NEGR1: variants seen among roughly 807,000 people sequenced by gnomAD.
NEGR1 encodes the protein IgLON family member 4.
A neutral mutation model predicts 40.9 loss-of-function variants in NEGR1; 10 were observed. That is an observed-to-expected ratio of 0.24 (90% CI 0.15 to 0.42). The LOEUF (loss-of-function observed/expected upper bound fraction) is 0.42, where lower values mean the gene tolerates loss of function less well. Among genes scored for constraint, NEGR1 ranks in the 10% least tolerant of loss-of-function variants. NEGR1 has a pLI of 1.00. For missense variants in NEGR1, 352 were observed against 438.9 expected (o/e 0.80, Z 1.77); for synonymous variants, 185 against 166.8 (o/e 1.11, Z -0.84).
intron 4 of NEGR1, among the ~76,000 whole-genome samples, chr1:71,669,751 A>G (rs1175716306): frequency 6.6e-6 from 1 of 152,104 alleles, no homozygotes; most frequent in Non-Finnish European, 1.5e-5. Context: ...CCCTGGTTCA[A>G]GCAATTCTCC....
intron 3 of NEGR1, among the ~76,000 whole-genome samples, chr1:71,764,046 G>C (rs1656039189): frequency 6.6e-6 from 1 of 152,102 alleles, no homozygotes; most frequent in Non-Finnish European, 1.5e-5. Context: ...GAGACCAAAA[G>C]CAAATAAAGT....
At chr1:71,933,058 A>G (rs1438142709) in intron 2 of NEGR1, among the ~76,000 whole-genome samples, 1 of 152,096 alleles carries the variant, frequency 6.6e-6, no homozygotes, top group East Asian at 1.9e-4. Flanking sequence ...CCAATCTTAT[A>G]CTTTCAAAAC....
intron 1 of NEGR1, among the ~76,000 whole-genome samples, chr1:72,112,439 A>C (rs1649410605): frequency 6.6e-6 from 1 of 151,558 alleles, no homozygotes; most frequent in African/African-American, 2.4e-5. Flanking sequence ...TTATTTTATA[A>C]TATCCTACTT....
At chr1:72,006,065 A>G (rs886642127) in intron 1 of NEGR1, among the ~76,000 whole-genome samples, 2 of 152,196 alleles carry the variant, frequency 1.3e-5, no homozygotes, top group African/African-American at 4.8e-5. Flanking sequence ...TCTGTCATTT[A>G]ATCATGGCAT....
intron 1 of NEGR1, among the ~76,000 whole-genome samples, chr1:72,179,092 G>A (rs1219922409): frequency 6.6e-6 from 1 of 151,936 alleles, no homozygotes; most frequent in Non-Finnish European, 1.5e-5. Context: ...CTGATGTCCA[G>A]AATGGTATTT....
intron 6 of NEGR1, among the ~76,000 whole-genome samples, chr1:71,446,440 A>C (rs1366404769): frequency 6.6e-6 from 1 of 152,210 alleles, no homozygotes; most frequent in Admixed American, 6.5e-5. Flanking sequence ...TATTTTGAGT[A>C]GGTAAGATGA....
chr1:71,845,693 C>A (rs1301110528), intron 2 of NEGR1, among the ~76,000 whole-genome samples: 3 of 151,894 alleles, frequency 2.0e-5, no homozygotes, highest in Non-Finnish European at 4.4e-5. Flanking sequence ...CCAATTCACA[C>A]AGCAAAAAGG....
intron 2 of NEGR1, among the ~76,000 whole-genome samples, chr1:71,833,257 C>G (rs1484450873): frequency 6.6e-6 from 1 of 151,810 alleles, no homozygotes; most frequent in East Asian, 1.9e-4. Flanking sequence ...GTACTTTTTG[C>G]ACCTGGCAGT....
intron 6 of NEGR1, among the ~76,000 whole-genome samples, chr1:71,504,421 A>C (rs534490270): frequency 6.6e-6 from 1 of 152,176 alleles, no homozygotes; most frequent in African/African-American, 2.4e-5. Context: ...GACAGATTTC[A>C]ACACAGAGAA....
intron 6 of NEGR1, among the ~76,000 whole-genome samples, chr1:71,541,099 G>T (rs1647690520): frequency 6.6e-6 from 1 of 151,632 alleles, no homozygotes; most frequent in South Asian, 2.1e-4. Flanking sequence ...TTCAACATGA[G>T]ATTTAAGCGG....
At chr1:72,045,634 C>T (rs543657632) in intron 1 of NEGR1, among the ~76,000 whole-genome samples, 2 of 151,888 alleles carry the variant, frequency 1.3e-5, no homozygotes, top group South Asian at 4.1e-4. Context: ...TGTGAGACCT[C>T]CTCAGCCATG....
chr1:71,955,610 C>G (rs1158560792), intron 1 of NEGR1, among the ~76,000 whole-genome samples: 1 of 152,162 alleles, frequency 6.6e-6, no homozygotes, highest in African/African-American at 2.4e-5. Context: ...CCATATAGAT[C>G]AGTTTCTGTC....
At chr1:72,008,927 A>T (rs1646632663) in intron 1 of NEGR1, among the ~76,000 whole-genome samples, 5 of 151,868 alleles carry the variant, frequency 3.3e-5, no homozygotes. Context: ...AAAAGCTTCC[A>T]TTAAAATCTG....
chr1:71,805,480 G>A (rs987337392), intron 2 of NEGR1, among the ~76,000 whole-genome samples: 9 of 152,000 alleles, frequency 5.9e-5, no homozygotes, highest in Non-Finnish European at 1.0e-4. Context: ...CAGACCAGCC[G>A]ACACTTAGGG....
intron 2 of NEGR1, among the ~76,000 whole-genome samples, chr1:71,827,857 C>A (rs1020134804): frequency 2.0e-5 from 3 of 150,992 alleles, no homozygotes; most frequent in Admixed American, 1.3e-4. Flanking sequence ...ATAAAAAATA[C>A]AAATCCTATG....
chr1:72,266,876 C>T (rs1218334199), intron 1 of NEGR1, among the ~76,000 whole-genome samples: 4 of 150,488 alleles, frequency 2.7e-5, no homozygotes, highest in African/African-American at 9.7e-5. Context: ...AGGAAAATGT[C>T]CCACACAAGA....
At chr1:71,427,013 G>C (rs1229564551) in intron 6 of NEGR1, among the ~76,000 whole-genome samples, 1 of 152,112 alleles carries the variant, frequency 6.6e-6, no homozygotes, top group African/African-American at 2.4e-5. Flanking sequence ...AGCTTTCACT[G>C]TTTCTTACCC....
At chr1:71,784,535 T>C (rs1656842687) in intron 2 of NEGR1, among the ~76,000 whole-genome samples, 2 of 152,158 alleles carry the variant, frequency 1.3e-5, no homozygotes. Flanking sequence ...CATTTTACCA[T>C]CGTGTTCTTT....
chr1:71,466,935 C>T (rs1043807376), intron 6 of NEGR1, among the ~76,000 whole-genome samples: 27 of 152,158 alleles, frequency 1.8e-4, no homozygotes, highest in African/African-American at 6.0e-4. Flanking sequence ...ATTGTCAACT[C>T]TGTAGTATAA....
Sources: allele counts gnomAD v4.1 joint callset (sites outside exome capture counted in the v4.1 genomes callset), GRCh38; gene constraint gnomAD v4.1.1; transcripts MANE v1.5; gene names NCBI Gene and HGNC (gene_info 2026-07-23, HGNC 2026-07-21).